Variants in ATP8A2 observed in about 807,000 individuals in gnomAD.
ATP8A2 encodes phospholipid-transporting ATPase IB.
A neutral mutation model predicts 165.6 loss-of-function variants in ATP8A2; 100 were observed. The observed-to-expected ratio is 0.60, with a 90% CI of 0.51 to 0.71. The LOEUF (loss-of-function observed/expected upper bound fraction) is 0.71, where lower values mean the gene tolerates loss of function less well. Ranked by LOEUF, ATP8A2 falls within the 30% of genes least tolerant of loss-of-function variation. The pLI, the probability that ATP8A2 is intolerant of heterozygous loss-of-function variation, is 0.00. For synonymous variants in ATP8A2, 543 were observed against 548.8 expected, an observed-to-expected ratio of 0.99 and a Z score of 0.15; for missense variants, 1,227 against 1,479.5, an observed-to-expected ratio of 0.83 and a Z score of 2.80.
chr13:25,762,095 C>T (rs2044390973), intron 25 of ATP8A2, among the ~76,000 whole-genome samples: 1 of 151,674 alleles, frequency 6.6e-6, no homozygotes, highest in African/African-American at 2.4e-5. Context: ...AACTCTGTCT[C>T]TATGAAAAAT....
At chr13:25,420,310 T>C (rs1593282731) in intron 1 of ATP8A2, among the ~76,000 whole-genome samples, 1 of 152,208 alleles carries the variant, frequency 6.6e-6, no homozygotes, top group Non-Finnish European at 1.5e-5. Flanking sequence ...GACAGGAAGG[T>C]GGCACAGCGG....
chr13:25,430,342 G>T (rs959426861), intron 1 of ATP8A2, among the ~76,000 whole-genome samples: 1 of 152,216 alleles, frequency 6.6e-6, no homozygotes, highest in Non-Finnish European at 1.5e-5. Flanking sequence ...AACAACCACA[G>T]TGTGAATTCC....
At position 25,574,866 on chromosome 13, in the gene ATP8A2, C is replaced by T. The variant is rs1440142626; in HGVS notation, c.1712+9C>T. The T allele has an allele frequency of 1.4e-6, 2 of 1,433,746 alleles. No individual in the cohort carries two copies. Among genetic ancestry groups the T allele is most frequent in the Admixed American group, 3.5e-5 (2 of 57,864 alleles). 88.8% of individuals were successfully genotyped at this position (1,433,746 alleles called of 1,614,324 possible). A position where few individuals can be genotyped will look rare whatever the true frequency, so the allele number is the denominator to read the frequency against. On this transcript the variant is annotated intron_variant, in intron 19 of 36. Transcript: ENST00000381655. Reference sequence around the variant, plus strand: ...GTCCTGGAATTTTCTAGGTATGTTTCTCTTTCATACGTTTGAAATAAAATA... The same window carrying T: ...GTCCTGGAATTTTCTAGGTATGTTTTTCTTTCATACGTTTGAAATAAAATA...
intron 28 of ATP8A2, among the ~76,000 whole-genome samples, chr13:25,835,706 T>G (rs1951586528): frequency 6.6e-6 from 1 of 152,084 alleles, no homozygotes; most frequent in Non-Finnish European, 1.5e-5. Flanking sequence ...CTGCTTGATT[T>G]TTCTAATATA....
intron 1 of ATP8A2, among the ~76,000 whole-genome samples, chr13:25,420,648 G>T (rs892908406): frequency 1.3e-5 from 2 of 152,126 alleles, no homozygotes; most frequent in African/African-American, 2.4e-5. Context: ...AAAACATCAT[G>T]GTACATGTTT....
chr13:25,592,190 G>A (rs181295368), intron 24 of ATP8A2, among the ~76,000 whole-genome samples: 4 of 100,958 alleles, frequency 4.0e-5, no homozygotes, highest in African/African-American at 1.8e-4. Context: ...TCAATCCTTT[G>A]CCCATTTTTT....
At chr13:25,944,343 C>T (rs1955151136) in intron 33 of ATP8A2, 1 of 152,196 alleles carries the variant, frequency 6.6e-6, no homozygotes, top group African/African-American at 2.4e-5. Context: ...CCCGTCTCTA[C>T]TAAAAATACA....
At chr13:25,682,217 A>G (rs907960273) in intron 24 of ATP8A2, among the ~76,000 whole-genome samples, 1 of 152,078 alleles carries the variant, frequency 6.6e-6, no homozygotes, top group African/African-American at 2.4e-5. Context: ...GCCGCACTCC[A>G]TTGCCATGGC....
At chr13:25,591,243 T>G (rs2040068037) in intron 24 of ATP8A2, 2 of 456,374 alleles carry the variant, frequency 4.4e-6, no homozygotes, top group African/African-American at 4.0e-5. Flanking sequence ...ATCACCACTA[T>G]CCATCCACAG....
At chr13:25,556,295 A>G (rs2038978685) in intron 13 of ATP8A2, among the ~76,000 whole-genome samples, 1 of 152,154 alleles carries the variant, frequency 6.6e-6, no homozygotes, top group African/African-American at 2.4e-5. Context: ...TGACTTTTTA[A>G]TGATAACCAT....
chr13:26,012,080 G>T (rs1408892351), intron 35 of ATP8A2, among the ~76,000 whole-genome samples: 2 of 152,132 alleles, frequency 1.3e-5, no homozygotes, highest in African/African-American at 4.8e-5. Context: ...TCGCCTTGAT[G>T]TTCATTGGGG....
At chr13:25,868,131 C>T (rs911476719) in intron 33 of ATP8A2, 10 of 456,354 alleles carry the variant, frequency 2.2e-5, no homozygotes, top group African/African-American at 2.0e-4. Flanking sequence ...CCTTAGCTTC[C>T]TCAGCCAAGG....
chr13:25,992,677 G>GT (rs34947450), intron 35 of ATP8A2, among the ~76,000 whole-genome samples: 305 of 147,142 alleles, frequency 2.1e-3, no homozygotes, highest in African/African-American at 6.5e-3. Flanking sequence ...AAGTTGTATA[G>GT]TTTTTTTTTT....
At chr13:25,707,606 T>G (rs576973239) in intron 25 of ATP8A2, among the ~76,000 whole-genome samples, 436 of 152,308 alleles carry the variant, frequency 2.9e-3, no homozygotes, top group South Asian at 7.2e-3. Flanking sequence ...AGCAACTGAG[T>G]GAATAGACGT....
At chr13:25,731,098 AAGAG>A (rs1321257688) in intron 25 of ATP8A2, among the ~76,000 whole-genome samples, 2 of 146,294 alleles carry the variant, frequency 1.4e-5, no homozygotes, top group African/African-American at 2.5e-5. Flanking sequence ...AGGAGAAAGA[AAGAG>A]AGAGAGAGGG....
At chr13:25,731,110 G>A (rs1177818005) in intron 25 of ATP8A2, among the ~76,000 whole-genome samples, 1 of 127,162 alleles carries the variant, frequency 7.9e-6, no homozygotes, top group Non-Finnish European at 1.6e-5. Flanking sequence ...GAGAGAGAGA[G>A]GGAAAGGGAA....
chr13:25,566,399 A>G (rs1397726924), intron 16 of ATP8A2, among the ~76,000 whole-genome samples: 1 of 152,218 alleles, frequency 6.6e-6, no homozygotes, highest in Non-Finnish European at 1.5e-5. Flanking sequence ...TTAATCAAAG[A>G]TGTCAAAGAA....
intron 24 of ATP8A2, among the ~76,000 whole-genome samples, chr13:25,674,415 C>G (rs2042331417): frequency 6.6e-6 from 1 of 152,140 alleles, no homozygotes; most frequent in Admixed American, 6.6e-5. Context: ...TTCCAGTTAG[C>G]TTTAGGCCCC....
chr13:25,549,959 C>G (rs866183230), intron 10 of ATP8A2, among the ~76,000 whole-genome samples: 1 of 152,148 alleles, frequency 6.6e-6, no homozygotes, highest in Non-Finnish European at 1.5e-5. Context: ...CCCTGTCTCA[C>G]AGTTGTTAAT....
Sources: gnomAD v4.1 joint callset for allele counts (sites outside exome capture counted in the v4.1 genomes callset) on GRCh38, gnomAD v4.1.1 for gene constraint, MANE v1.5 for transcripts, NCBI Gene and HGNC (gene_info 2026-07-23, HGNC 2026-07-21) for gene names.